KDM3B: variants seen among roughly 807,000 people sequenced by gnomAD.
KDM3B encodes lysine-specific demethylase 3B.
A neutral mutation model predicts 170.0 loss-of-function variants in KDM3B; 10 were observed. The ratio of observed to expected loss-of-function variants is 0.06; its 90% CI spans 0.04 to 0.10. The LOEUF (loss-of-function observed/expected upper bound fraction) is 0.10. Ranked by LOEUF, KDM3B falls within the 10% of genes least tolerant of loss-of-function variation. The pLI is 1.00. For missense variants in KDM3B, 1,394 were observed against 2,195.2 expected (o/e 0.64, Z 7.29); for synonymous variants, 831 against 834.8 (o/e 1.00, Z 0.08).
intron 12 of KDM3B, among the ~76,000 whole-genome samples, chr5:138,417,233 A>G (rs150638007): frequency 6.6e-6 from 1 of 152,334 alleles, no homozygotes; most frequent in East Asian, 1.9e-4. Flanking sequence ...CTTAAAAGTA[A>G]CAGAACTTTA....
chr5:138,385,608 A>C (rs538975036), intron 6 of KDM3B, among the ~76,000 whole-genome samples: 6 of 152,366 alleles, frequency 3.9e-5, no homozygotes, highest in African/African-American at 1.4e-4. Flanking sequence ...GTCCTATTTC[A>C]GTACTTAAAA....
chr5:138,402,849 C>T (rs1762725379), intron 11 of KDM3B, among the ~76,000 whole-genome samples: 1 of 152,160 alleles, frequency 6.6e-6, no homozygotes, highest in Non-Finnish European at 1.5e-5. Context: ...AAACTGGCAA[C>T]CTTACTGACT....
At chr5:138,356,735 C>T (rs569153009) in intron 1 of KDM3B, among the ~76,000 whole-genome samples, 6 of 147,454 alleles carry the variant, frequency 4.1e-5, no homozygotes, top group Non-Finnish European at 8.9e-5. Context: ...CTCTGCCTCC[C>T]GGGTTCAAGC....
chr5:138,435,487 CT>C (rs1376784872), intron 23 of KDM3B, 132 bp from the exon 24 acceptor site: 1 of 658,844 alleles, frequency 1.5e-6, no homozygotes, highest in African/African-American at 1.8e-5. Context: ...TTGTAAATGA[CT>C]GTGGGGATTG....
chr5:138,376,058 C>T (rs1249591086), intron 3 of KDM3B, among the ~76,000 whole-genome samples: 1 of 152,114 alleles, frequency 6.6e-6, no homozygotes, highest in Non-Finnish European at 1.5e-5. Context: ...CTCACTGCAA[C>T]GTCCACCTCC....
chr5:138,383,957 A>G (rs144098563), intron 6 of KDM3B, among the ~76,000 whole-genome samples: 13 of 151,756 alleles, frequency 8.6e-5, no homozygotes, highest in African/African-American at 2.4e-4. Flanking sequence ...TCTCAAAAAA[A>G]AAGAAGAAAA....
chr5:138,386,314 C>T lies in KDM3B; in HGVS notation c.1073C>T (p.Thr358Ile), dbSNP rs1347056262. The change falls in exon 7 of 24, where the codon ACT becomes ATT. Residue 358 changes from threonine (T) to isoleucine (I), a missense_variant. Thr to Ile is a moderately conservative substitution (Grantham distance 89). This residue lies in a region of KDM3B where 205 missense variants were observed against 227.6 expected (regional missense o/e 0.90). Transcript: ENST00000314358. ...PQINRNIRFA[T>I]YTKENGRTLV... ...ATAAACCGCAACATTCGCTTTGCCA[C>T]TTACACCAAAGAAAACGGCAGGACT... 1.2e-6 allele frequency: 2 copies of T among 1,614,074 alleles called. No individual in the cohort carries two copies. Among genetic ancestry groups the T allele is most frequent in the African/African-American group, 1.3e-5 (1 of 74,924 alleles).
intron 7 of KDM3B, among the ~76,000 whole-genome samples, chr5:138,387,302 T>C (rs1762295087): frequency 6.6e-6 from 1 of 152,178 alleles, no homozygotes; most frequent in Admixed American, 6.5e-5. Flanking sequence ...GTATAATATA[T>C]TCTTTTTGAC....
At chr5:138,397,877 T>A (rs946590450) in intron 9 of KDM3B, 13 of 186,752 alleles carry the variant, frequency 7.0e-5, no homozygotes, top group South Asian at 1.6e-4. Context: ...AAAAAAAAAA[T>A]TGGAAAGTAG....
chr5:138,371,923 C>G (rs761597064), intron 1 of KDM3B, among the ~76,000 whole-genome samples: 2 of 152,158 alleles, frequency 1.3e-5, no homozygotes, highest in Admixed American at 6.5e-5. Context: ...GAGTTCAAGG[C>G]CAGCCTGGGC....
At chr5:138,367,088 C>A (rs1174863335) in intron 1 of KDM3B, among the ~76,000 whole-genome samples, 1 of 152,182 alleles carries the variant, frequency 6.6e-6, no homozygotes, top group Non-Finnish European at 1.5e-5. Flanking sequence ...TATACTACTA[C>A]CTCTTCTGTG....
intron 12 of KDM3B, among the ~76,000 whole-genome samples, chr5:138,415,555 G>A (rs756286082): frequency 1.3e-5 from 2 of 151,696 alleles, no homozygotes; most frequent in African/African-American, 2.4e-5. Context: ...CTCCCACCTC[G>A]GCCTGCCAAG....
chr5:138,358,552 C>T (rs1401976527), intron 1 of KDM3B, among the ~76,000 whole-genome samples: 8 of 151,116 alleles, frequency 5.3e-5, no homozygotes, highest in Admixed American at 4.0e-4. Flanking sequence ...GTGATCCACC[C>T]GCCTTGGCCT....
At chr5:138,418,175 G>C (rs1488566421) in intron 13 of KDM3B, among the ~76,000 whole-genome samples, 2 of 149,660 alleles carry the variant, frequency 1.3e-5, no homozygotes, top group African/African-American at 4.9e-5. Context: ...TGCCTCCCAG[G>C]TTCAAGTGAT....
intron 7 of KDM3B, among the ~76,000 whole-genome samples, chr5:138,389,782 C>CTCTGTG (rs1554128165): frequency 1.2e-3 from 168 of 143,554 alleles, no homozygotes; most frequent in Admixed American, 3.1e-3. Context: ...CTCTCTCTCT[C>CTCTGTG]TGTGTGTGTG....
intron 7 of KDM3B, among the ~76,000 whole-genome samples, chr5:138,387,060 A>G (rs1762281666): frequency 6.6e-6 from 1 of 151,292 alleles, no homozygotes; most frequent in Admixed American, 6.6e-5. Context: ...ATTTTCTATG[A>G]TATTTTCCCT....
In KDM3B at chr5:138,391,608, G is replaced by C. The variant is rs1412327783; in HGVS notation, c.1976G>C (p.Ser659Thr). 6.2e-7 allele frequency: 1 copy of C among 1,614,014 alleles called. No homozygotes were observed. The highest frequency in any genetic ancestry group is 2.2e-5 in the East Asian group (1 of 44,894). ...AGTTTTGCATCTCAGGCATCAGGTA[G>C]CTCCTCTTCTGCTACCACTGTCACC... ...FSSFASQASGSSSSATTVTSK... is the reference protein window; with the variant it reads ...FSSFASQASGTSSSATTVTSK... The change falls in exon 8 of 24, where the codon AGC becomes ACC. Residue 659 changes from serine to threonine, a missense_variant. By Grantham distance (58) the Ser-to-Thr change is moderately conservative (BLOSUM62 1). This residue lies in a region of KDM3B where 294 missense variants were observed against 311.7 expected (regional missense o/e 0.94). Transcript: ENST00000314358. The surrounding 1 kb of genome is among the most constrained non-coding windows in gnomAD (Gnocchi z 5.0).
intron 9 of KDM3B, among the ~76,000 whole-genome samples, chr5:138,394,694 A>T (rs1010354568): frequency 6.6e-6 from 1 of 152,234 alleles, no homozygotes; most frequent in African/African-American, 2.4e-5. Flanking sequence ...TTAAAGGGCT[A>T]TTCCAAAGGC....
intron 1 of KDM3B, among the ~76,000 whole-genome samples, chr5:138,370,374 G>A (rs1322402968): frequency 2.6e-5 from 4 of 152,146 alleles, no homozygotes; most frequent in Admixed American, 2.6e-4. Flanking sequence ...TTTGTTGCCT[G>A]TGAAGAGATT....
Sources: allele counts gnomAD v4.1 joint callset (sites outside exome capture counted in the v4.1 genomes callset), GRCh38; gene constraint gnomAD v4.1.1; regional missense constraint gnomAD v4.1.1; non-coding constraint Gnocchi (gnomAD v3.1); transcripts MANE v1.5; gene names NCBI Gene and HGNC (gene_info 2026-07-23, HGNC 2026-07-21).